The following ABCA6 variants were observed in gnomAD, a reference collection of about 807,000 sequenced individuals.
ABCA6 encodes ATP-binding cassette sub-family A member 6.
In ABCA6, 164 loss-of-function variants were observed where a neutral mutation model predicts 191.2. The observed-to-expected ratio is 0.86, with a 90% CI of 0.76 to 0.98. The LOEUF (loss-of-function observed/expected upper bound fraction) is 0.98, where lower values mean the gene tolerates loss of function less well. Ranked by LOEUF, ABCA6 falls within the 50% of genes least tolerant of loss-of-function variation. The probability of loss-of-function intolerance (pLI) is 0.00; values close to 1 mark genes in which losing one functional copy is unlikely to be tolerated. For missense variants in ABCA6, 1,958 were observed against 1,894.1 expected, an observed-to-expected ratio of 1.03 and a Z score of -0.63; for synonymous variants, 636 against 647.7, an observed-to-expected ratio of 0.98 and a Z score of 0.27.
At chr17:69,090,684 G>C (rs1196419794) in intron 26 of ABCA6, among the ~76,000 whole-genome samples, 1 of 152,132 alleles carries the variant, frequency 6.6e-6, no homozygotes, top group African/African-American at 2.4e-5. Flanking sequence ...CCAGTTACTA[G>C]CACAGTGACT....
chr17:69,119,634 G>A (rs886347327), intron 10 of ABCA6, among the ~76,000 whole-genome samples: 2 of 151,902 alleles, frequency 1.3e-5, no homozygotes, highest in African/African-American at 2.4e-5. Context: ...TGGCATCCTC[G>A]GCCTCATGTT....
At chr17:69,118,422 A>C (rs1370678883) in intron 10 of ABCA6, among the ~76,000 whole-genome samples, 1 of 151,976 alleles carries the variant, frequency 6.6e-6, no homozygotes, top group East Asian at 1.9e-4. Flanking sequence ...GACACAATTT[A>C]ATTTCTCTCC....
At chr17:69,114,724 T>C (rs1435606897) in intron 13 of ABCA6, 38 bp downstream of exon 13, 5 of 1,552,114 alleles carry the variant, frequency 3.2e-6, no homozygotes, top group Non-Finnish European at 4.4e-6. Context: ...ATTTGGTAAG[T>C]GGTTGGCAGG....
At chr17:69,115,537 G>A in intron 11 of ABCA6, 51 bp from the exon 12 acceptor site, 1 of 1,376,912 alleles carries the variant, frequency 7.3e-7, no homozygotes, top group South Asian at 1.3e-5. Flanking sequence ...AAACAGAAAG[G>A]CATTAGACAG....
chr17:69,088,622 A>G (rs1028929582), intron 27 of ABCA6, among the ~76,000 whole-genome samples: 10 of 152,230 alleles, frequency 6.6e-5, no homozygotes, highest in African/African-American at 2.2e-4. Context: ...TGTTCTAAAC[A>G]TCTGTTCTCA....
chr17:69,086,830 AT>A (rs1238958791), intron 29 of ABCA6, 95 bp from the exon 30 acceptor site: 1 of 722,068 alleles, frequency 1.4e-6, no homozygotes, highest in Non-Finnish European at 2.3e-6. Context: ...GCCAAACCAT[AT>A]TTTGAGTTGA....
At position 69,083,275 on chromosome 17, in the gene ABCA6, T is replaced by C. The variant is rs776297059; in HGVS notation, c.4412A>G (p.His1471Arg). Residue 1471 changes from histidine (H) to arginine (R), a missense_variant, in exon 35 of 39, where the codon CAT becomes CGT. By Grantham distance (29) the His-to-Arg change is conservative. Coordinates refer to ENST00000284425, the MANE Select transcript of ABCA6 (RefSeq NM_080284.3). ...CAAGGCTTCCGCCTCAGCCAGGTTA[T>C]GGGTGGTCAGGAGGACACCTCTCTC... ...NTERGVLLTT[H>R]NLAEAEALCD... 5 of 1,610,988 alleles carry C rather than the reference T, an allele frequency of 3.1e-6. No homozygotes were observed. Among genetic ancestry groups the C allele is most frequent in the Non-Finnish European group, 4.2e-6 (5 of 1,179,278 alleles).
chr17:69,079,295 G>A (rs1443968887), intron 37 of ABCA6, 30 bp from the exon 38 acceptor site: 2 of 1,534,776 alleles, frequency 1.3e-6, no homozygotes, highest in East Asian at 4.6e-5. Context: ...AGTATTAATA[G>A]TAGATGCTTA....
chr17:69,088,776 C>T (rs527815814), intron 27 of ABCA6, among the ~76,000 whole-genome samples: 6 of 152,274 alleles, frequency 3.9e-5, no homozygotes, highest in South Asian at 2.1e-4. Context: ...ACCCTTTCTC[C>T]TGACCTCTCG....
chr17:69,109,405 T>C (rs1333730291), intron 17 of ABCA6: 1 of 152,210 alleles, frequency 6.6e-6, no homozygotes, highest in Non-Finnish European at 1.5e-5. Context: ...GGATTTCTTA[T>C]CAAACAAAGT....
intron 36 of ABCA6, 78 bp from the exon 37 acceptor site, chr17:69,081,223 C>G (rs894845291): frequency 2.9e-6 from 2 of 695,604 alleles, no homozygotes; most frequent in East Asian, 5.4e-5. Context: ...ATTGATATTA[C>G]CAACAATTTT....
intron 31 of ABCA6, 85 bp downstream of exon 31, chr17:69,085,540 A>G (rs2072762288): frequency 1.2e-6 from 1 of 844,602 alleles, no homozygotes; most frequent in Non-Finnish European, 1.7e-6. Flanking sequence ...AAAAAAGAAA[A>G]GAAAAATAGT....
chr17:69,095,170 AT>A, intron 25 of ABCA6: 1 of 202,874 alleles, frequency 4.9e-6, no homozygotes, highest in South Asian at 9.9e-5. Flanking sequence ...AGCACCTGAG[AT>A]TACACTGGAC....
intron 4 of ABCA6, 142 bp from the exon 5 acceptor site, chr17:69,134,884 T>C (rs1030552798): frequency 6.8e-5 from 32 of 473,932 alleles, no homozygotes; most frequent in Non-Finnish European, 9.4e-5. Context: ...TTTGTTGTGG[T>C]TGTCTTTTTT....
At position 69,115,397 on chromosome 17, in the gene ABCA6, C is replaced by CA; in HGVS notation, c.1584dup (p.Gly529TrpfsTer14). The CA allele has an allele frequency of 9.3e-6, 15 of 1,609,490 alleles. No homozygotes were observed. Among genetic ancestry groups the CA allele is most frequent in the Non-Finnish European group, 1.3e-5 (15 of 1,177,720 alleles). ...TCACCTTCTGTTGGAACAGACAATC[C>CA]ATTAAGAATATTTAGCAGTGAAGAT... On this transcript the variant is annotated frameshift_variant, in exon 12 of 39. Coordinates refer to ENST00000284425, the MANE Select transcript of ABCA6 (RefSeq NM_080284.3). LOFTEE classifies it high-confidence loss of function.
rs747775790 is a variant in ABCA6, at chr17:69,133,665, A to G, written c.767T>C (p.Met256Thr). The G allele has an allele frequency of 1.9e-6, 3 of 1,601,548 alleles. No homozygotes were observed. The Admixed American group carries it at 5.0e-5, about 27-fold the overall frequency. The change falls in exon 6 of 39, where the codon ATG becomes ACG. Residue 256 changes from methionine to threonine, a missense_variant. Coordinates refer to ENST00000284425, the MANE Select transcript of ABCA6 (RefSeq NM_080284.3). Reference protein sequence around the residue: ...RKKSKNLMKMMGLQDSAFWLS... With the variant: ...RKKSKNLMKMTGLQDSAFWLS... ...CCAGAATGCTGAATCTTGGAGACCC[A>G]TCATTTTCATCAAATTCTTAGACTT... is the stretch of plus-strand genomic sequence containing the variant.
intron 38 of ABCA6, 52 bp from the exon 39 acceptor site, chr17:69,079,126 T>C (rs1445124670): frequency 5.7e-6 from 9 of 1,575,508 alleles, no homozygotes; most frequent in African/African-American, 4.1e-5. Context: ...TATCAAGTTG[T>C]TGGTCTTCCA....
At chr17:69,110,160 T>G (rs1160664166) in intron 17 of ABCA6, 2 of 152,190 alleles carry the variant, frequency 1.3e-5, no homozygotes, top group Non-Finnish European at 2.9e-5. Flanking sequence ...GGTTTGGTTC[T>G]ATCCACGGTT....
Position 69,141,773 on chromosome 17 carries a change from G to T in ABCA6, c.-74C>A, listed in dbSNP as rs2144733787. ...CAGGAAAATAATAAAAAGCACTCTA[G>T]AAACACTGTCAAAACCAGTTCTCTG... On this transcript the variant is annotated 5_prime_UTR_variant, in exon 1 of 39. Coordinates refer to ENST00000284425, the MANE Select transcript of ABCA6 (RefSeq NM_080284.3). 6.6e-6 allele frequency: 1 copy of T among 152,146 alleles called. No homozygotes were observed. Among genetic ancestry groups the T allele is most frequent in the East Asian group, 1.9e-4 (1 of 5,180 alleles). 9.4% of individuals were successfully genotyped at this position (152,146 alleles called of 1,614,324 possible).
Sources: allele counts gnomAD v4.1 joint callset (sites outside exome capture counted in the v4.1 genomes callset), GRCh38; gene constraint gnomAD v4.1.1; transcripts MANE v1.5; gene names NCBI Gene and HGNC (gene_info 2026-07-23, HGNC 2026-07-21).